Variants in VTCN1 observed in about 807,000 individuals in gnomAD.
The protein encoded by VTCN1 is V-set domain containing T cell activation inhibitor 1, also known as V-set domain-containing T-cell activation inhibitor 1.
Under a neutral mutation model 26.5 loss-of-function variants are expected in VTCN1, and 26 were observed. The ratio of observed to expected loss-of-function variants is 0.98; its 90% CI spans 0.72 to 1.36. The LOEUF is 1.36. Among genes scored for constraint, VTCN1 ranks in the 40% most tolerant of loss-of-function variants. VTCN1 has a pLI of 0.00. For synonymous variants in VTCN1, 116 were observed against 130.7 expected, an observed-to-expected ratio of 0.89 and a Z score of 0.77; for missense variants, 298 against 337.7, an observed-to-expected ratio of 0.88 and a Z score of 0.92.
intron 1 of VTCN1, among the ~76,000 whole-genome samples, chr1:117,207,547 C>T (rs1029396395): frequency 5.5e-4 from 83 of 152,130 alleles, no homozygotes; most frequent in Non-Finnish European, 2.6e-4. Context: ...GAGCCACCCC[C>T]TATGACTATT....
At chr1:117,203,310 TG>T (rs1648879376) in intron 1 of VTCN1, among the ~76,000 whole-genome samples, 1 of 151,874 alleles carries the variant, frequency 6.6e-6, no homozygotes, top group Non-Finnish European at 1.5e-5. Context: ...ATGGCCATTC[TG>T]GGGGTGGAGG....
intron 1 of VTCN1, chr1:117,203,554 G>T: frequency 1.1e-6 from 1 of 949,126 alleles, no homozygotes; most frequent in Non-Finnish European, 1.3e-6. Flanking sequence ...CAGAAGCATT[G>T]CAGGCAGATG....
At chr1:117,170,215 T>C (rs1450525539) in intron 1 of VTCN1, 44 bp from the exon 2 acceptor site, 1 of 1,574,820 alleles carries the variant, frequency 6.3e-7, no homozygotes, top group African/African-American at 1.3e-5. Flanking sequence ...TCTCCATTCC[T>C]CTTGATGTGC....
In VTCN1 at chr1:117,155,826, T is replaced by A. The variant is rs1652042211; in HGVS notation, c.445+748A>T. On this transcript the variant is annotated intron_variant, in intron 3 of 5. Transcript: ENST00000369458. The surrounding 1 kb of genome is among the most constrained non-coding windows in gnomAD (Gnocchi z 4.8). ...CTTCTCCAGGGGGCTTTCCCATCCC[T>A]TCCCTCCTATGCATTTGAACGGGAT... Among the ~76,000 whole-genome samples, 1 of 152,196 alleles carries A rather than the reference T, an allele frequency of 6.6e-6. No homozygotes were observed. The highest frequency in any genetic ancestry group is 1.5e-5 in the Non-Finnish European group (1 of 68,034).
chr1:117,173,343 AG>A (rs1474451813), intron 1 of VTCN1: 8 of 556,486 alleles, frequency 1.4e-5, no homozygotes, highest in Non-Finnish European at 2.6e-5. Flanking sequence ...CCTTATAAAA[AG>A]GGGAAATTTG....
At chr1:117,209,897 C>A (rs1557882355) in intron 1 of VTCN1, among the ~76,000 whole-genome samples, 1 of 152,230 alleles carries the variant, frequency 6.6e-6, no homozygotes, top group African/African-American at 2.4e-5. Flanking sequence ...ACAAACTTTT[C>A]ACTGTTGACC....
intron 2 of VTCN1, among the ~76,000 whole-genome samples, chr1:117,163,318 A>G (rs1652464524): frequency 6.6e-6 from 1 of 152,152 alleles, no homozygotes; most frequent in African/African-American, 2.4e-5. Flanking sequence ...CTAACCCTTT[A>G]TTTCACCATT....
chr1:117,149,307 T>C (rs1048448586), intron 4 of VTCN1, among the ~76,000 whole-genome samples: 51 of 151,738 alleles, frequency 3.4e-4, no homozygotes, highest in African/African-American at 1.2e-3. Context: ...TTTTTTTTTT[T>C]CTGGTAGCAT....
intron 1 of VTCN1, among the ~76,000 whole-genome samples, chr1:117,202,316 C>T (rs58620918): frequency 0.015 from 2,228 of 152,188 alleles, 52 homozygotes; most frequent in African/African-American, 0.05. Context: ...CACCAGCAAC[C>T]GGGTATAGAG....
chr1:117,170,232 G>C (rs1401268275), intron 1 of VTCN1, 61 bp from the exon 2 acceptor site: 19 of 1,467,936 alleles, frequency 1.3e-5, no homozygotes, highest in Non-Finnish European at 1.8e-5. Context: ...GTGCTGCTTT[G>C]CAACTGGGGT....
intron 2 of VTCN1, among the ~76,000 whole-genome samples, chr1:117,157,295 G>A (rs1435494606): frequency 2.6e-5 from 4 of 152,060 alleles, no homozygotes; most frequent in Admixed American, 6.5e-5. Flanking sequence ...AACAATGTCT[G>A]TCTTACCTAC....
chr1:117,176,443 T>C (rs976780395), intron 1 of VTCN1, among the ~76,000 whole-genome samples: 1 of 152,230 alleles, frequency 6.6e-6, no homozygotes, highest in African/African-American at 2.4e-5. Flanking sequence ...TTTCTGGATC[T>C]GCTACACAGT....
chr1:117,198,417 G>A (rs1309808076), intron 1 of VTCN1, among the ~76,000 whole-genome samples: 1 of 152,204 alleles, frequency 6.6e-6, no homozygotes, highest in African/African-American at 2.4e-5. Flanking sequence ...AGAAAAAAAG[G>A]CAGAAGCACT....
At chr1:117,210,155 A>AG (rs1649282467) in intron 1 of VTCN1, among the ~76,000 whole-genome samples, 1 of 152,176 alleles carries the variant, frequency 6.6e-6, no homozygotes, top group Non-Finnish European at 1.5e-5. Flanking sequence ...AATGTAGCTC[A>AG]GGGGAGAAGC....
At chr1:117,149,277 C>T (rs934665557) in intron 4 of VTCN1, among the ~76,000 whole-genome samples, 3 of 149,154 alleles carry the variant, frequency 2.0e-5, no homozygotes, top group African/African-American at 7.6e-5. Flanking sequence ...CATATTGCTC[C>T]TATGTTTTGG....
chr1:117,151,334 G>A (rs964018276), intron 4 of VTCN1, among the ~76,000 whole-genome samples: 1 of 152,042 alleles, frequency 6.6e-6, no homozygotes, highest in African/African-American at 2.4e-5. Flanking sequence ...ACTGACTTCA[G>A]GAATGAAGCT....
chr1:117,156,924 G>A lies in VTCN1; in HGVS notation c.98-3C>T. On this transcript the variant is annotated splice_region_variant and splice_polypyrimidine_tract_variant and intron_variant, in intron 2 of 5. Transcript: ENST00000369458. Reference sequence around the variant, plus strand: ...AGTGACTGTGATGGAGTGTCTCCCTGCAGTTCAGGAAGCAAAGATCAATGC... The same window carrying A: ...AGTGACTGTGATGGAGTGTCTCCCTACAGTTCAGGAAGCAAAGATCAATGC... The A allele has an allele frequency of 3.1e-6, 5 of 1,613,950 alleles. No individual in the cohort carries two copies. Among genetic ancestry groups the A allele is most frequent in the Non-Finnish European group, 4.2e-6 (5 of 1,179,998 alleles).
chr1:117,188,598 A>G (rs114833259), intron 1 of VTCN1, among the ~76,000 whole-genome samples: 1,627 of 152,314 alleles, frequency 0.011, 23 homozygotes, highest in African/African-American at 0.038. Flanking sequence ...CACCAATCAC[A>G]TTTATTTCTC....
In VTCN1 at chr1:117,155,635, A is replaced by T. The variant is rs1308042974; in HGVS notation, c.445+939T>A. ...GATGAAGAAACTGAGGCTCAGAGAG[A>T]TTGCTTTGCCCAGGCCACTGTACTT... On this transcript the variant is annotated intron_variant, in intron 3 of 5. Transcript: ENST00000369458. The surrounding 1 kb of genome is among the most constrained non-coding windows in gnomAD (Gnocchi z 4.8). 6.6e-6 allele frequency among the ~76,000 whole-genome samples: 1 copy of T among 152,098 alleles called. No individual in the cohort carries two copies. The highest frequency in any genetic ancestry group is 2.4e-5 in the African/African-American group (1 of 41,412).
Sources: allele counts gnomAD v4.1 joint callset (sites outside exome capture counted in the v4.1 genomes callset), GRCh38; gene constraint gnomAD v4.1.1; non-coding constraint Gnocchi (gnomAD v3.1); transcripts MANE v1.5; gene names NCBI Gene and HGNC (gene_info 2026-07-23, HGNC 2026-07-21).